DYM: variants seen among roughly 807,000 people sequenced by gnomAD.
DYM encodes dyggve-Melchior-Clausen syndrome protein.
Under a neutral mutation model 93.1 loss-of-function variants are expected in DYM, and 78 were observed. The ratio of observed to expected loss-of-function variants is 0.84; its 90% CI spans 0.70 to 1.01. The LOEUF (loss-of-function observed/expected upper bound fraction) is 1.01, where lower values mean the gene tolerates loss of function less well. Among genes scored for constraint, DYM ranks in the 50% least tolerant of loss-of-function variants. The pLI is 0.00. For missense variants in DYM, 789 were observed against 845.0 expected (o/e 0.93, Z 0.82); for synonymous variants, 321 against 319.7 (o/e 1.00, Z -0.04).
At chr18:49,159,631 T>G (rs1367220025) in intron 15 of DYM, among the ~76,000 whole-genome samples, 1 of 152,182 alleles carries the variant, frequency 6.6e-6, no homozygotes, top group Non-Finnish European at 1.5e-5. Flanking sequence ...CCTGTAATCC[T>G]AGCACCTTGG....
intron 13 of DYM, among the ~76,000 whole-genome samples, chr18:49,233,776 G>T (rs2093778790): frequency 6.6e-6 from 1 of 152,116 alleles, no homozygotes; most frequent in South Asian, 2.1e-4. Flanking sequence ...TGATCCCATG[G>T]TGAATTCTGG....
intron 15 of DYM, among the ~76,000 whole-genome samples, chr18:49,163,406 C>A (rs1408497618): frequency 6.6e-6 from 1 of 152,146 alleles, no homozygotes; most frequent in East Asian, 1.9e-4. Flanking sequence ...AGTGCAGGGG[C>A]ATGATCTCAG....
At chr18:49,233,991 T>A (rs911853944) in intron 13 of DYM, among the ~76,000 whole-genome samples, 2 of 151,988 alleles carry the variant, frequency 1.3e-5, no homozygotes, top group Non-Finnish European at 2.9e-5. Context: ...TAGCCGGGCA[T>A]GGTAGCGGGC....
chr18:49,258,247 T>TGACTA, intron 12 of DYM, 133 bp downstream of exon 12: 1 of 690,962 alleles, frequency 1.4e-6, no homozygotes, highest in East Asian at 2.7e-5. Flanking sequence ...TGTAATACAG[T>TGACTA]GACTATACAG....
intron 10 of DYM, among the ~76,000 whole-genome samples, chr18:49,274,301 C>T (rs1405862971): frequency 6.6e-6 from 1 of 152,128 alleles, no homozygotes; most frequent in African/African-American, 2.4e-5. Flanking sequence ...AAAGTTCATC[C>T]ATGCTGCAGT....
At chr18:49,113,743 C>T (rs545703703) in intron 16 of DYM, among the ~76,000 whole-genome samples, 1 of 152,168 alleles carries the variant, frequency 6.6e-6, no homozygotes. Context: ...AGGTAAAGTA[C>T]TGAAAAAGGC....
chr18:49,195,360 G>C (rs1267541369), intron 14 of DYM, among the ~76,000 whole-genome samples: 1 of 152,118 alleles, frequency 6.6e-6, no homozygotes, highest in Non-Finnish European at 1.5e-5. Flanking sequence ...AAGTAATTAG[G>C]ATAGCCATCA....
intron 15 of DYM, among the ~76,000 whole-genome samples, chr18:49,138,134 G>A (rs917236103): frequency 1.3e-5 from 2 of 152,072 alleles, no homozygotes; most frequent in Non-Finnish European, 2.9e-5. Flanking sequence ...GAAACATGCC[G>A]TGCCATGATC....
intron 13 of DYM, among the ~76,000 whole-genome samples, chr18:49,251,270 G>A (rs999172428): frequency 1.3e-5 from 2 of 152,224 alleles, no homozygotes; most frequent in African/African-American, 4.8e-5. Flanking sequence ...GACCCAGTCA[G>A]ACTACTGGCA....
At chr18:49,238,231 G>A (rs2093930546) in intron 13 of DYM, among the ~76,000 whole-genome samples, 1 of 152,118 alleles carries the variant, frequency 6.6e-6, no homozygotes, top group Non-Finnish European at 1.5e-5. Flanking sequence ...GCATGTCAGT[G>A]AAGTTTTAAA....
intron 15 of DYM, 72 bp from the exon 16 acceptor site, chr18:49,118,998 G>A: frequency 1.6e-6 from 2 of 1,282,402 alleles, no homozygotes; most frequent in Non-Finnish European, 2.2e-6. Context: ...GAAAATAAGA[G>A]TAATTCCCTC....
At chr18:49,435,423 TAA>T (rs58887917) in intron 1 of DYM, among the ~76,000 whole-genome samples, 14,892 of 124,666 alleles carry the variant, frequency 0.12, 964 homozygotes, top group African/African-American at 0.18. Context: ...ACTAAAACAG[TAA>T]AAAAAAAAAA....
In DYM at chr18:49,363,198, A is replaced by G. The variant is rs749352170; in HGVS notation, c.457T>C (p.Cys153Arg). 4 of 1,614,020 alleles carry G rather than the reference A, an allele frequency of 2.5e-6. No homozygotes were observed. The highest frequency in any genetic ancestry group is 3.4e-6 in the Non-Finnish European group (4 of 1,179,932). ...DSEDLLEELL[C>R]CLMQLITDIP... ...TCAGTGATCAACTGCATCAAACAGC[A>G]CAGCAATTCTTCCAAAAGATCTTCT... The change falls in exon 6 of 18, where the codon TGC becomes CGC. Residue 153 changes from cysteine (C) to arginine (R), a missense_variant. Coordinates refer to ENST00000675505, the MANE Select transcript of DYM (RefSeq NM_001353214.3).
chr18:49,065,551 A>G (rs2076326266), intron 17 of DYM, among the ~76,000 whole-genome samples: 1 of 152,068 alleles, frequency 6.6e-6, no homozygotes, highest in African/African-American at 2.4e-5. Context: ...TAGTAGAGAC[A>G]GGGTTTCTCC....
chr18:49,305,566 C>T lies in DYM; in HGVS notation c.764-18950G>A, dbSNP rs192100004. Among the ~76,000 whole-genome samples, 15 of 152,250 alleles carry T rather than the reference C, an allele frequency of 9.9e-5. No individual in the cohort carries two copies. In the East Asian group the frequency reaches 2.7e-3, roughly 27 times the overall value. ...CACCTGTATCAACATGTACATTCTG[C>T]CTTCAGATGAAATATACTTCCTCCT... On this transcript the variant is annotated intron_variant, in intron 8 of 17. Coordinates refer to ENST00000675505, the MANE Select transcript of DYM (RefSeq NM_001353214.3).
intron 14 of DYM, among the ~76,000 whole-genome samples, chr18:49,199,347 T>C (rs1284774995): frequency 6.6e-6 from 1 of 152,234 alleles, no homozygotes; most frequent in African/African-American, 2.4e-5. Context: ...CTGCACGTTG[T>C]GCCCATGTAC....
Position 49,331,969 on chromosome 18 carries a change from A to G in DYM, c.658T>C (p.Tyr220His), listed in dbSNP as rs144640085. 39 of 1,614,014 alleles carry G rather than the reference A, an allele frequency of 2.4e-5. No individual in the cohort carries two copies. In the African/African-American group the frequency reaches 4.0e-4, roughly 17 times the overall value. ...GGCTTTTCTTGTCTGATAAAGTTAT[A>G]TAATAAGGTCTTCACAAGTTTGCTG... The part of the protein sequence containing the change: ...YTSKLVKTLL[Y>H]NFIRQEKPPP... The change falls in exon 8 of 18, where the codon TAT becomes CAT. Residue 220 changes from tyrosine (Y) to histidine (H), a missense_variant. Tyr to His is a moderately conservative substitution (Grantham distance 83). Around this residue, in one of 3 missense-constraint regions of DYM, gnomAD observed 450 missense variants for 436.2 expected, o/e 1.03. Transcript: ENST00000675505.
Position 49,118,820 on chromosome 18 carries a change from A to C in DYM, c.1835T>G (p.Leu612Arg). Residue 612 changes from leucine to arginine, a missense_variant, in exon 16 of 18, where the codon CTG (leucine) becomes CGG (arginine). By Grantham distance (102) the Leu-to-Arg change is moderately radical. Transcript: ENST00000675505. ...TTCAAAGAGATCGCGTTTGTAAAGC[A>C]GGGCGTATACCAAGTTTGGGTTGTG... ...LHHNPNLVYA[L>R]LYKRDLFEQF... The C allele has an allele frequency of 6.2e-7, 1 of 1,614,164 alleles. No individual in the cohort carries two copies. The highest frequency in any genetic ancestry group is 8.5e-7 in the Non-Finnish European group (1 of 1,180,004).
intron 14 of DYM, among the ~76,000 whole-genome samples, chr18:49,185,025 C>A (rs900244711): frequency 6.6e-6 from 1 of 152,042 alleles, no homozygotes; most frequent in Non-Finnish European, 1.5e-5. Context: ...GTCATTTAAG[C>A]AAAGACCTGA....
Sources: allele counts gnomAD v4.1 joint callset (sites outside exome capture counted in the v4.1 genomes callset), GRCh38; gene constraint gnomAD v4.1.1; regional missense constraint gnomAD v4.1.1; transcripts MANE v1.5; gene names NCBI Gene and HGNC (gene_info 2026-07-23, HGNC 2026-07-21).